OPCML: variants seen among roughly 807,000 people sequenced by gnomAD.
The protein encoded by OPCML is opioid binding protein/cell adhesion molecule like.
OPCML carries 13 observed loss-of-function variants against 37.8 expected under a neutral mutation model. The ratio of observed to expected loss-of-function variants is 0.34; its 90% CI spans 0.22 to 0.55. OPCML has a LOEUF of 0.55. Ranked by LOEUF, OPCML falls within the 20% of genes least tolerant of loss-of-function variation. OPCML has a pLI of 0.91. For synonymous variants in OPCML, 176 were observed against 168.8 expected, an observed-to-expected ratio of 1.04 and a Z score of -0.33; for missense variants, 341 against 435.6, an observed-to-expected ratio of 0.78 and a Z score of 1.93.
At chr11:132,672,092 A>G (rs1040400265) in intron 2 of OPCML, among the ~76,000 whole-genome samples, 1 of 152,026 alleles carries the variant, frequency 6.6e-6, no homozygotes, top group South Asian at 2.1e-4. Flanking sequence ...TTGACCTCAC[A>G]TTGCCCTTGC....
intron 3 of OPCML, among the ~76,000 whole-genome samples, chr11:132,550,209 C>T (rs867522769): frequency 6.6e-6 from 1 of 152,178 alleles, no homozygotes; most frequent in Non-Finnish European, 1.5e-5. Context: ...TAATCTGTGA[C>T]ATTAAGGGGG....
chr11:132,588,174 G>A (rs1264037677), intron 3 of OPCML, among the ~76,000 whole-genome samples: 2 of 152,080 alleles, frequency 1.3e-5, no homozygotes, highest in South Asian at 2.1e-4. Context: ...TTCACATCAT[G>A]GGGGCATCAG....
intron 1 of OPCML, among the ~76,000 whole-genome samples, chr11:133,076,369 T>C (rs1948621002): frequency 6.6e-6 from 1 of 152,188 alleles, no homozygotes; most frequent in African/African-American, 2.4e-5. Context: ...ATTGTTGGCA[T>C]TCCTCCACTG....
intron 1 of OPCML, among the ~76,000 whole-genome samples, chr11:133,295,491 A>T (rs1942608111): frequency 6.6e-6 from 1 of 152,218 alleles, no homozygotes; most frequent in Non-Finnish European, 1.5e-5. Flanking sequence ...TGTACTCTTA[A>T]GTGTGTAAGG....
At chr11:132,725,647 T>A (rs1264367222) in intron 2 of OPCML, among the ~76,000 whole-genome samples, 1 of 152,148 alleles carries the variant, frequency 6.6e-6, no homozygotes, top group Admixed American at 6.5e-5. Flanking sequence ...TCTGCTTCAC[T>A]TGTAAAACTG....
At chr11:133,025,597 T>C (rs1163159639) in intron 1 of OPCML, 1 of 462,674 alleles carries the variant, frequency 2.2e-6, no homozygotes, top group Admixed American at 6.4e-5. Flanking sequence ...AATTTCATTC[T>C]TTTTTAATCA....
At chr11:132,724,542 C>T (rs993042463) in intron 2 of OPCML, among the ~76,000 whole-genome samples, 2 of 152,090 alleles carry the variant, frequency 1.3e-5, no homozygotes, top group African/African-American at 4.8e-5. Context: ...TATTATTCCA[C>T]CCCTGTCCTC....
intron 1 of OPCML, among the ~76,000 whole-genome samples, chr11:133,158,515 C>T (rs1358762228): frequency 1.3e-5 from 2 of 151,694 alleles, no homozygotes; most frequent in Admixed American, 6.6e-5. Flanking sequence ...TCCTGGCCAA[C>T]ATGGTGAAAC....
At chr11:133,028,010 T>A (rs1947596595) in intron 1 of OPCML, among the ~76,000 whole-genome samples, 1 of 152,018 alleles carries the variant, frequency 6.6e-6, no homozygotes, top group African/African-American at 2.4e-5. Context: ...AGTTGCTTTC[T>A]AGTTATATGG....
intron 1 of OPCML, among the ~76,000 whole-genome samples, chr11:133,467,513 A>G (rs747488317): frequency 1.3e-5 from 2 of 152,188 alleles, no homozygotes; most frequent in Non-Finnish European, 2.9e-5. Context: ...AATGGCCCAA[A>G]CACTGTATTA....
intron 2 of OPCML, among the ~76,000 whole-genome samples, chr11:132,690,903 T>A (rs1943376823): frequency 6.6e-6 from 1 of 152,182 alleles, no homozygotes; most frequent in East Asian, 1.9e-4. Context: ...ATTAAGAGAT[T>A]CCATATAGAA....
intron 3 of OPCML, among the ~76,000 whole-genome samples, chr11:132,649,928 TACACACACAC>T (rs61282644): frequency 2.0e-5 from 3 of 147,776 alleles, no homozygotes; most frequent in African/African-American, 7.4e-5. Flanking sequence ...CACGCACTGT[TACACACACAC>T]ACACACACAC....
At chr11:132,945,892 C>T (rs1368004687) in intron 1 of OPCML, among the ~76,000 whole-genome samples, 1 of 152,200 alleles carries the variant, frequency 6.6e-6, no homozygotes, top group Admixed American at 6.5e-5. Flanking sequence ...ACGCCATTCT[C>T]CTGCCTCAGC....
chr11:132,835,311 T>A (rs1214709377), intron 2 of OPCML, among the ~76,000 whole-genome samples: 2 of 152,206 alleles, frequency 1.3e-5, no homozygotes, highest in Non-Finnish European at 2.9e-5. Context: ...ACAAACGAAG[T>A]GAGAAATGTC....
intron 4 of OPCML, among the ~76,000 whole-genome samples, chr11:132,470,714 T>A (rs1281013415): frequency 6.6e-6 from 1 of 152,176 alleles, no homozygotes; most frequent in Non-Finnish European, 1.5e-5. Context: ...AAACTGAGAT[T>A]AAGTAAATGG....
chr11:132,699,577 C>T (rs1366648426), intron 2 of OPCML, among the ~76,000 whole-genome samples: 1 of 152,018 alleles, frequency 6.6e-6, no homozygotes, highest in African/African-American at 2.4e-5. Flanking sequence ...AATTTTGTCA[C>T]CTTTTTTCTG....
intron 1 of OPCML, among the ~76,000 whole-genome samples, chr11:133,415,408 T>TA (rs530082319): frequency 0.084 from 11,705 of 139,376 alleles, 1,332 homozygotes; most frequent in African/African-American, 0.26. Flanking sequence ...AGACTTCGTC[T>TA]AAAAAAAAAA....
At chr11:133,393,649 G>A (rs1945223127) in intron 1 of OPCML, among the ~76,000 whole-genome samples, 1 of 152,208 alleles carries the variant, frequency 6.6e-6, no homozygotes, top group African/African-American at 2.4e-5. Context: ...CCTAGCTGCT[G>A]TGATGGCTGT....
intron 2 of OPCML, among the ~76,000 whole-genome samples, chr11:132,794,101 G>A (rs975121975): frequency 6.6e-6 from 1 of 152,154 alleles, no homozygotes; most frequent in African/African-American, 2.4e-5. Flanking sequence ...CCTCCACCGT[G>A]TTGTTTCCAA....
Sources: gnomAD v4.1 joint callset for allele counts (sites outside exome capture counted in the v4.1 genomes callset) on GRCh38, gnomAD v4.1.1 for gene constraint, MANE v1.5 for transcripts, NCBI Gene and HGNC (gene_info 2026-07-23, HGNC 2026-07-21) for gene names.